The following ARL15 variants were observed in gnomAD, a reference collection of about 807,000 sequenced individuals.
The protein encoded by ARL15 is ADP-ribosylation factor-like protein 15.
In ARL15, 19 loss-of-function variants were observed where a neutral mutation model predicts 25.2. The ratio of observed to expected loss-of-function variants is 0.75; its 90% CI spans 0.53 to 1.10. The LOEUF (loss-of-function observed/expected upper bound fraction) is 1.10. Ranked by LOEUF, ARL15 falls within the 50% of genes least tolerant of loss-of-function variation. The probability of loss-of-function intolerance (pLI) is 0.00; values close to 1 mark genes in which losing one functional copy is unlikely to be tolerated. For missense variants in ARL15, 220 were observed against 246.0 expected, an observed-to-expected ratio of 0.89 and a Z score of 0.71; for synonymous variants, 94 against 86.8, an observed-to-expected ratio of 1.08 and a Z score of -0.46.
chr5:54,122,533 T>A (rs1753115631), intron 3 of ARL15, among the ~76,000 whole-genome samples: 1 of 152,254 alleles, frequency 6.6e-6, no homozygotes, highest in Non-Finnish European at 1.5e-5. Flanking sequence ...ATTATTACAC[T>A]TTATGACATT....
At chr5:53,910,275 G>C (rs988957950) in intron 4 of ARL15, among the ~76,000 whole-genome samples, 1 of 152,020 alleles carries the variant, frequency 6.6e-6, no homozygotes, top group African/African-American at 2.4e-5. Context: ...TCATTGAAAG[G>C]GCCAGATCAT....
chr5:54,228,713 T>C (rs543064274), intron 1 of ARL15, among the ~76,000 whole-genome samples: 1 of 152,288 alleles, frequency 6.6e-6, no homozygotes, highest in African/African-American at 2.4e-5. Flanking sequence ...TTCACTTTCA[T>C]GGTAAGAAAA....
intron 4 of ARL15, among the ~76,000 whole-genome samples, chr5:53,963,055 C>G (rs1475736956): frequency 6.6e-6 from 1 of 151,980 alleles, no homozygotes; most frequent in Non-Finnish European, 1.5e-5. Flanking sequence ...TCTATTACCC[C>G]ATTATTAACA....
Position 53,953,894 on chromosome 5 carries a change from A to C in ARL15, c.463-67181T>G, listed in dbSNP as rs147189186. On this transcript the variant is annotated intron_variant, in intron 4 of 4. Transcript: ENST00000504924. The stretch of plus-strand genomic sequence containing the variant: ...ATGAATTATCTATGATCACTTAAAA[A>C]CACTAGGTTTTCCATTTCAGACTAA... 3.3e-3 allele frequency among the ~76,000 whole-genome samples: 502 copies of C among 152,294 alleles called. 3 individuals carry two copies. Among genetic ancestry groups the C allele is most frequent in the Middle Eastern group, 0.024 (7 of 294 alleles).
chr5:54,012,652 G>A (rs757301133), intron 4 of ARL15, among the ~76,000 whole-genome samples: 143 of 149,464 alleles, frequency 9.6e-4, no homozygotes, highest in Non-Finnish European at 4.1e-4. Flanking sequence ...AGCCTCCCAA[G>A]TACCTGGGAT....
At chr5:54,015,127 T>C (rs1432912424) in intron 4 of ARL15, among the ~76,000 whole-genome samples, 1 of 151,650 alleles carries the variant, frequency 6.6e-6, no homozygotes, top group Non-Finnish European at 1.5e-5. Flanking sequence ...ACCCCGTCTC[T>C]ACTAAAAATA....
At chr5:53,937,676 G>A (rs1746394323) in intron 4 of ARL15, among the ~76,000 whole-genome samples, 1 of 152,144 alleles carries the variant, frequency 6.6e-6, no homozygotes, top group Middle Eastern at 3.2e-3. Context: ...CAGCCTAGGA[G>A]TGTAGCAGGC....
chr5:53,934,698 C>T (rs1213309080), intron 4 of ARL15, among the ~76,000 whole-genome samples: 4 of 152,104 alleles, frequency 2.6e-5, no homozygotes, highest in Non-Finnish European at 5.9e-5. Context: ...TTTTTGGACT[C>T]CTGCCCAAAT....
chr5:54,080,450 T>G (rs1751760185), intron 4 of ARL15, among the ~76,000 whole-genome samples: 2 of 152,224 alleles, frequency 1.3e-5, no homozygotes, highest in Admixed American at 1.3e-4. Context: ...AAATTATTTT[T>G]TACATAAGCA....
chr5:54,052,533 A>G (rs1410226732), intron 4 of ARL15, among the ~76,000 whole-genome samples: 1 of 152,182 alleles, frequency 6.6e-6, no homozygotes, highest in African/African-American at 2.4e-5. Flanking sequence ...ACTAAAATTA[A>G]ACAATTGAGT....
chr5:54,306,429 T>A (rs889179303), intron 1 of ARL15, among the ~76,000 whole-genome samples: 8 of 145,836 alleles, frequency 5.5e-5, no homozygotes, highest in Non-Finnish European at 9.0e-5. Context: ...GGAGTCTCAC[T>A]CTGTCGCCCA....
At chr5:54,217,638 T>C (rs1284347231) in intron 1 of ARL15, among the ~76,000 whole-genome samples, 2 of 152,160 alleles carry the variant, frequency 1.3e-5, no homozygotes, top group Non-Finnish European at 2.9e-5. Context: ...CATGTAGACC[T>C]GTAGGGGTAA....
chr5:54,189,010 T>C (rs572727136), intron 1 of ARL15, among the ~76,000 whole-genome samples: 3 of 152,296 alleles, frequency 2.0e-5, no homozygotes, highest in Non-Finnish European at 2.9e-5. Context: ...ATCAGTTGCA[T>C]GTCTGTACAC....
chr5:54,225,439 C>T (rs144490314), intron 1 of ARL15, among the ~76,000 whole-genome samples: 61 of 152,164 alleles, frequency 4.0e-4, no homozygotes, highest in African/African-American at 1.4e-3. Context: ...AGGTCCTTGC[C>T]GACTTGCAAG....
Position 54,281,285 on chromosome 5 carries a change from G to A in ARL15, c.48+29147C>T, listed in dbSNP as rs536730820. On this transcript the variant is annotated intron_variant, in intron 1 of 4. Coordinates refer to ENST00000504924, the MANE Select transcript of ARL15 (RefSeq NM_019087.3). Reference sequence around the variant, plus strand: ...CTCCCAAGTAGCTGGGATTACAGGCGCCCGCCACCACGCCCAGCTAATTCT... The same window carrying A: ...CTCCCAAGTAGCTGGGATTACAGGCACCCGCCACCACGCCCAGCTAATTCT... 1.7e-4 allele frequency among the ~76,000 whole-genome samples: 26 copies of A among 152,060 alleles called. No individual in the cohort carries two copies. In the South Asian group the frequency reaches 3.3e-3, roughly 19 times the overall value.
At position 54,113,307 on chromosome 5, in the gene ARL15, A is replaced by C. The variant is rs780432757; in HGVS notation, c.357T>G (p.Ala119=). The C allele has an allele frequency of 1.2e-6, 2 of 1,614,000 alleles. No homozygotes were observed. The highest frequency in any genetic ancestry group is 2.2e-5 in the South Asian group (2 of 91,090). The stretch of plus-strand genomic sequence containing the variant: ...GAAGAGCTGAGTGCAGCTCATTTCT[A>C]GCAGCTTCTAAATCATCCTCTGAAG... ...SASSEDDLEA[A]RNELHSALQH... is the part of the protein sequence containing the mutation. The change falls in exon 4 of 5, where the codon GCT becomes GCG. Residue 119 remains alanine, a synonymous_variant. Transcript: ENST00000504924.
chr5:54,086,714 C>T (rs1301352662), intron 4 of ARL15, among the ~76,000 whole-genome samples: 1 of 151,972 alleles, frequency 6.6e-6, no homozygotes, highest in Non-Finnish European at 1.5e-5. Flanking sequence ...ATACTAGAAG[C>T]AAAAGAAATC....
chr5:54,132,650 G>A (rs1338344428), intron 3 of ARL15, among the ~76,000 whole-genome samples: 3 of 151,962 alleles, frequency 2.0e-5, no homozygotes, highest in Non-Finnish European at 4.4e-5. Flanking sequence ...AGGGGCTGCT[G>A]GTTGCCATTT....
chr5:54,054,170 G>T (rs771365649), intron 4 of ARL15, among the ~76,000 whole-genome samples: 1 of 151,898 alleles, frequency 6.6e-6, no homozygotes, highest in African/African-American at 2.4e-5. Context: ...CCGGTACCTC[G>T]CCCCCACCTA....
Sources: allele counts gnomAD v4.1 joint callset (sites outside exome capture counted in the v4.1 genomes callset), GRCh38; gene constraint gnomAD v4.1.1; transcripts MANE v1.5; gene names NCBI Gene and HGNC (gene_info 2026-07-23, HGNC 2026-07-21).